ZNF131: variants seen among roughly 807,000 people sequenced by gnomAD.
ZNF131 encodes zinc finger protein 131.
ZNF131 carries 7 observed loss-of-function variants against 60.0 expected under a neutral mutation model. The observed-to-expected ratio is 0.12, with a 90% CI of 0.07 to 0.22. ZNF131 has a LOEUF of 0.22. Ranked by LOEUF, ZNF131 falls within the 10% of genes least tolerant of loss-of-function variation. The pLI, the probability that ZNF131 is intolerant of heterozygous loss-of-function variation, is 1.00. For synonymous variants in ZNF131, 257 were observed against 253.2 expected (o/e 1.01, Z -0.14); for missense variants, 493 against 740.9 (o/e 0.67, Z 3.88).
intron 5 of ZNF131, chr5:43,167,854 T>C (rs1360014066): frequency 3.2e-5 from 12 of 371,300 alleles, no homozygotes; most frequent in South Asian, 8.5e-5. Context: ...AAAGGTGATA[T>C]CTTAGTCTGT....
chr5:43,130,370 A>C (rs747436214), intron 3 of ZNF131, among the ~76,000 whole-genome samples: 1 of 151,900 alleles, frequency 6.6e-6, no homozygotes, highest in Non-Finnish European at 1.5e-5. Flanking sequence ...GAGGGAGAGA[A>C]AGAAATAATG....
rs546199590 is a variant in ZNF131, at chr5:43,147,328, A to G, written c.371+8019A>G. Among the ~76,000 whole-genome samples, 3 of 152,160 alleles carry G rather than the reference A, an allele frequency of 2.0e-5. No individual in the cohort carries two copies. In the South Asian group the frequency reaches 6.2e-4, roughly 32 times the overall value. ...TCTCTTAGTAAACATCTACAAGTGG[A>G]ATAGAGCTTAGTTGTTTGGTATGTG... On this transcript the variant is annotated intron_variant, in intron 4 of 6. Transcript: ENST00000682664.
intron 5 of ZNF131, 89 bp downstream of exon 5, chr5:43,162,020 CAG>C: frequency 1.6e-6 from 2 of 1,234,154 alleles, no homozygotes; most frequent in South Asian, 3.2e-5. Context: ...AATAGTGCCT[CAG>C]AAGCCATCTC....
intron 5 of ZNF131, among the ~76,000 whole-genome samples, chr5:43,162,603 AAAGAAAAG>A (rs1749833504): frequency 7.8e-6 from 1 of 128,838 alleles, no homozygotes; most frequent in Non-Finnish European, 1.6e-5. Flanking sequence ...AAAAAAAAAA[AAAGAAAAG>A]AAAAAAAAGC....
chr5:43,153,767 T>C (rs1244678519), intron 4 of ZNF131, among the ~76,000 whole-genome samples: 4 of 152,194 alleles, frequency 2.6e-5, no homozygotes, highest in Non-Finnish European at 5.9e-5. Context: ...CATGATCCCT[T>C]TCTAGGGACA....
intron 5 of ZNF131, chr5:43,168,034 G>T: frequency 2.3e-6 from 1 of 438,208 alleles, no homozygotes; most frequent in Non-Finnish European, 4.6e-6. Flanking sequence ...CACATGGTGA[G>T]GGAGTTGAGC....
rs1747287694 is a variant in ZNF131 at position 43,144,255 on chromosome 5, T to C, written c.371+4946T>C. ...TTTCTTTCTTTTTTTTTTTTTTTTT[T>C]TTTTTTTTTTTTGGAGACAGAGCTT... On this transcript the variant is annotated intron_variant, in intron 4 of 6. Transcript: ENST00000682664. Among the ~76,000 whole-genome samples, 12 of 128,944 alleles carry C rather than the reference T, an allele frequency of 9.3e-5. 1 individual carries two copies. In the Admixed American group the frequency reaches 9.4e-4, roughly 10 times the overall value. The allele number at this position is 128,944 out of a possible 152,430, so 84.6% of individuals were successfully genotyped here. A position where few individuals can be genotyped will look rare whatever the true frequency, so the allele number is the denominator to read the frequency against.
intron 5 of ZNF131, among the ~76,000 whole-genome samples, chr5:43,167,032 CCT>C (rs1207372741): frequency 6.6e-6 from 1 of 152,060 alleles, no homozygotes; most frequent in East Asian, 1.9e-4. Flanking sequence ...AATATTGTTG[CCT>C]CTCAAGGAAT....
chr5:43,169,847 A>G (rs373510104), intron 5 of ZNF131, among the ~76,000 whole-genome samples: 68 of 151,780 alleles, frequency 4.5e-4, no homozygotes, highest in Admixed American at 1.1e-3. Context: ...CTGGAGTGCA[A>G]TGGCGTGATC....
chr5:43,138,299 G>T (rs1746386173), intron 3 of ZNF131, among the ~76,000 whole-genome samples: 1 of 152,198 alleles, frequency 6.6e-6, no homozygotes, highest in Admixed American at 6.6e-5. Flanking sequence ...TAAGGGGTGG[G>T]TGGTAGGATG....
chr5:43,174,363 T>A (rs1267568734), intron 6 of ZNF131, 84 bp from the exon 7 acceptor site: 4 of 1,245,464 alleles, frequency 3.2e-6, no homozygotes, highest in Admixed American at 6.7e-5. Flanking sequence ...GCCTTCAATC[T>A]TTTCTTTACA....
chr5:43,161,780 C>T lies in ZNF131; in HGVS notation c.903C>T (p.Ser301=), dbSNP rs373894025. The T allele has an allele frequency of 8.9e-5, 144 of 1,613,956 alleles. No individual in the cohort carries two copies. The highest frequency in any genetic ancestry group is 1.1e-4 in the Non-Finnish European group (133 of 1,180,040). ...GCAATAAACGATATCTTCGAGAGAG[C>T]GCATGGAAACAGCACCTAAATTGTT... is the stretch of plus-strand genomic sequence containing the variant. ...EICNKRYLRE[S]AWKQHLNCYH... Residue 301 remains serine, a synonymous_variant, in exon 5 of 7, where the codon AGC becomes AGT. Transcript: ENST00000682664.
At chr5:43,124,194 C>T (rs942060058) in intron 3 of ZNF131, 1 of 152,198 alleles carries the variant, frequency 6.6e-6, no homozygotes, top group Non-Finnish European at 1.5e-5. Flanking sequence ...GGTTGTCCAA[C>T]TAGCAAGGAA....
At chr5:43,147,112 A>G (rs1024099037) in intron 4 of ZNF131, among the ~76,000 whole-genome samples, 13 of 151,916 alleles carry the variant, frequency 8.6e-5, no homozygotes, top group South Asian at 6.2e-4. Context: ...TTACCTTAGC[A>G]TTGTGTTTTA....
chr5:43,141,395 G>A (rs1579778168), intron 4 of ZNF131, among the ~76,000 whole-genome samples: 1 of 152,248 alleles, frequency 6.6e-6, no homozygotes, highest in African/African-American at 2.4e-5. Context: ...TTGAATGAGA[G>A]CCTTCCAAAA....
At chr5:43,132,515 T>C (rs916368997) in intron 3 of ZNF131, among the ~76,000 whole-genome samples, 1 of 146,456 alleles carries the variant, frequency 6.8e-6, no homozygotes, top group Non-Finnish European at 1.5e-5. Context: ...CTTTTTTTTT[T>C]TTTTTTTTTT....
chr5:43,145,291 T>TTTGG (rs1477455165), intron 4 of ZNF131, among the ~76,000 whole-genome samples: 2 of 152,092 alleles, frequency 1.3e-5, no homozygotes, highest in Non-Finnish European at 2.9e-5. Context: ...ATTACTCCTG[T>TTTGG]TTGGGATAGG....
rs559979644 is a variant in ZNF131, at chr5:43,155,860, C to G, written c.372-5389C>G. Among the ~76,000 whole-genome samples, 15 of 152,198 alleles carry G rather than the reference C, an allele frequency of 9.9e-5. No homozygotes were observed. In the South Asian group the frequency reaches 2.1e-3, roughly 21 times the overall value. ...AAATTTGCTGGGGTTTATCAGCAAC[C>G]CCTGCTGATGGAGGTGTGATAACAT... On this transcript the variant is annotated intron_variant, in intron 4 of 6. Coordinates refer to ENST00000682664, the MANE Select transcript of ZNF131 (RefSeq NM_001330707.2).
chr5:43,163,213 C>T lies in ZNF131; in HGVS notation c.1054+1282C>T, dbSNP rs150991197. On this transcript the variant is annotated intron_variant, in intron 5 of 6. Transcript: ENST00000682664. ...CAGGGTGGTCTCAAACTCCTGACCT[C>T]GTGATCCGCTAGCCTCGGCCTCCCA... Among the ~76,000 whole-genome samples the T allele has an allele frequency of 7.8e-3, 1,191 of 151,924 alleles. 18 individuals are homozygous for T. The highest frequency in any genetic ancestry group is 0.027 in the African/African-American group (1,137 of 41,462).
Sources: gnomAD v4.1 joint callset for allele counts (sites outside exome capture counted in the v4.1 genomes callset) on GRCh38, gnomAD v4.1.1 for gene constraint, MANE v1.5 for transcripts, NCBI Gene and HGNC (gene_info 2026-07-23, HGNC 2026-07-21) for gene names.